Variants in ZNF560 observed in about 807,000 individuals in gnomAD.
ZNF560 encodes zinc finger protein 560.
A neutral mutation model predicts 81.8 loss-of-function variants in ZNF560; 54 were observed. That is an observed-to-expected ratio of 0.66 (90% CI 0.53 to 0.83). The LOEUF (loss-of-function observed/expected upper bound fraction) is 0.83, where lower values mean the gene tolerates loss of function less well. Among genes scored for constraint, ZNF560 ranks in the 40% least tolerant of loss-of-function variants. The probability of loss-of-function intolerance (pLI) is 0.00; values close to 1 mark genes in which losing one functional copy is unlikely to be tolerated. For synonymous variants in ZNF560, 321 were observed against 317.9 expected (o/e 1.01, Z -0.10); for missense variants, 940 against 932.4 (o/e 1.01, Z -0.11).
the ZNF560 span, among the ~76,000 whole-genome samples, chr19:9,456,416 G>GT: frequency 6.6e-6 from 1 of 152,166 alleles, no homozygotes; most frequent in Non-Finnish European, 1.5e-5. Context: ...CCGGGAGAGC[G>GT]TATAGGGCAG....
Position 9,471,501 on chromosome 19 carries a change from TAA to T in ZNF560, c.239-125_239-124del, listed in dbSNP as rs1225548143. On this transcript the variant is annotated intron_variant, in intron 5 of 9. Coordinates refer to ENST00000301480, the MANE Select transcript of ZNF560 (RefSeq NM_152476.3). ...AAATAAACATAAGAAAAAAGAAAGC[TAA>T]ATTGAACATTTAGACTGTGTCAAAA... 59 of 678,278 alleles carry T rather than the reference TAA, an allele frequency of 8.7e-5. No homozygotes were observed. In the East Asian group the frequency reaches 1.9e-3, roughly 21 times the overall value. The allele number at this position is 678,278 out of a possible 1,614,324, so 42.0% of individuals were successfully genotyped here. A position where few individuals can be genotyped will look rare whatever the true frequency, so the allele number is the denominator to read the frequency against.
Position 9,466,501 on chromosome 19 carries a change from T to C in ZNF560, c.*73A>G. ...GATAGTGTTACTTTCTCCTGTGAAT[T>C]TTTACATGTTCAGTTAGGCTTGAGG... On this transcript the variant is annotated 3_prime_UTR_variant, in exon 10 of 10. Transcript: ENST00000301480. 7.1e-7 allele frequency: 1 copy of C among 1,403,364 alleles called. No individual in the cohort carries two copies. Among genetic ancestry groups the C allele is most frequent in the South Asian group, 1.4e-5 (1 of 71,168 alleles). 86.9% of individuals were successfully genotyped at this position (1,403,364 alleles called of 1,614,324 possible).
At chr19:9,504,162 G>A in the ZNF560 span, among the ~76,000 whole-genome samples, 15 of 152,162 alleles carry the variant, frequency 9.9e-5, no homozygotes, top group East Asian at 2.1e-3. Flanking sequence ...TGCTGGGTGC[G>A]GTGGCTCACA....
At position 9,470,459 on chromosome 19, in the gene ZNF560, C is replaced by T. The variant is rs756756054; in HGVS notation, c.381G>A (p.Leu127=). The T allele has an allele frequency of 3.2e-5, 51 of 1,613,992 alleles. No individual in the cohort carries two copies. The Middle Eastern group carries it at 1.6e-3, about 52-fold the overall frequency. The change falls in exon 7 of 10, where the codon CTG becomes CTA. Residue 127 remains leucine, a synonymous_variant. Transcript: ENST00000301480. ...VEFTQEEWTL[L]DPAQRNLYSD... is the part of the protein sequence containing the mutation. ...TGTACAGGTTTCTCTGAGCTGGGTCCAGTAAAGTCCACTCTTCCTGGGTGA... is the reference window on the plus strand; with the variant it reads ...TGTACAGGTTTCTCTGAGCTGGGTCTAGTAAAGTCCACTCTTCCTGGGTGA...
chr19:9,467,841 G>C lies in ZNF560; in HGVS notation c.1106C>G (p.Thr369Ser). ...TTTATAAGGTTTTATCCCAATGTGG[G>C]TTTGCATGTGATTATTAAGGTGGGT... ...YPTHLNNHMQ[T>S]HIGIKPYKCK... The change falls in exon 10 of 10, where the codon ACC (threonine) becomes AGC (serine). Residue 369 changes from threonine (T) to serine (S), a missense_variant. Physicochemically the swap from Thr to Ser is moderately conservative, Grantham distance 58. Coordinates refer to ENST00000301480, the MANE Select transcript of ZNF560 (RefSeq NM_152476.3). The C allele has an allele frequency of 6.2e-7, 1 of 1,614,132 alleles. No homozygotes were observed. The highest frequency in any genetic ancestry group is 8.5e-7 in the Non-Finnish European group (1 of 1,180,036).
chr19:9,468,032 T>C lies in ZNF560; in HGVS notation c.915A>G (p.Ser305=), dbSNP rs371925516. The C allele has an allele frequency of 3.8e-5, 62 of 1,614,094 alleles. No individual in the cohort carries two copies. In the African/African-American group the frequency reaches 5.3e-4, roughly 14 times the overall value. Residue 305 remains serine, a synonymous_variant, in exon 10 of 10, where the codon TCA becomes TCG. Coordinates refer to ENST00000301480, the MANE Select transcript of ZNF560 (RefSeq NM_152476.3). ...GAGTTTTCCTGTGTGCTTCAAGGTATGACTGATAAATGAAGGCTTTCCCAT... is the reference window on the plus strand; with the variant it reads ...GAGTTTTCCTGTGTGCTTCAAGGTACGACTGATAAATGAAGGCTTTCCCAT... ...TDYGKAFIYQ[S]YLEAHRKTQS...
the ZNF560 span, among the ~76,000 whole-genome samples, chr19:9,459,649 G>C: frequency 2.5e-3 from 385 of 152,298 alleles, 2 homozygotes; most frequent in African/African-American, 9.0e-3. Flanking sequence ...ATTTATTGGT[G>C]ATCAAAGAAG....
the ZNF560 span, among the ~76,000 whole-genome samples, chr19:9,454,882 T>G: frequency 6.6e-6 from 1 of 151,720 alleles, no homozygotes; most frequent in Non-Finnish European, 1.5e-5. Flanking sequence ...GCAGAAGAGA[T>G]AAAAGAACAG....
chr19:9,498,322 C>A (rs1157257140), intron 1 of ZNF560, 107 bp from the exon 2 acceptor site: 2 of 152,176 alleles, frequency 1.3e-5, no homozygotes, highest in South Asian at 2.1e-4. Flanking sequence ...AGCCCTCGGA[C>A]GCGCCCATAC....
upstream of ZNF560, among the ~76,000 whole-genome samples, chr19:9,499,504 G>A (rs2073613929): frequency 6.6e-6 from 1 of 151,930 alleles, no homozygotes; most frequent in South Asian, 2.1e-4. Flanking sequence ...TGGCCTTATT[G>A]TATTTTTTTT....
chr19:9,456,302 GTTTAAA>G, the ZNF560 span, among the ~76,000 whole-genome samples: 2 of 152,198 alleles, frequency 1.3e-5, no homozygotes, highest in Non-Finnish European at 2.9e-5. Context: ...GGAAGATCTA[GTTTAAA>G]TTTAAAAGGA....
chr19:9,450,411 C>T, the ZNF560 span, among the ~76,000 whole-genome samples: 1 of 152,124 alleles, frequency 6.6e-6, no homozygotes, highest in South Asian at 2.1e-4. Context: ...GACTATTTGT[C>T]TTCACTGATG....
chr19:9,450,401 G>T, the ZNF560 span, among the ~76,000 whole-genome samples: 1 of 152,022 alleles, frequency 6.6e-6, no homozygotes, highest in Non-Finnish European at 1.5e-5. Context: ...ACGCAAATAG[G>T]ACTATTTGTC....
the ZNF560 span, among the ~76,000 whole-genome samples, chr19:9,454,894 T>C: frequency 6.6e-6 from 1 of 151,920 alleles, no homozygotes; most frequent in African/African-American, 2.4e-5. Flanking sequence ...AAAGAACAGA[T>C]CCGTCAACCA....
In ZNF560 at chr19:9,475,385, G is replaced by T; in HGVS notation, c.-56-16C>A. The T allele has an allele frequency of 1.4e-6, 2 of 1,471,498 alleles. No homozygotes were observed. The highest frequency in any genetic ancestry group is 1.9e-6 in the Non-Finnish European group (2 of 1,057,360). 91.2% of individuals were successfully genotyped at this position (1,471,498 alleles called of 1,614,324 possible). A position where few individuals can be genotyped will look rare whatever the true frequency, so the allele number is the denominator to read the frequency against. On this transcript the variant is annotated splice_polypyrimidine_tract_variant and intron_variant, in intron 2 of 9. Coordinates refer to ENST00000301480, the MANE Select transcript of ZNF560 (RefSeq NM_152476.3). ...CTAGAAAGACCTGGAAAAGAAAGAA[G>T]GCATAAGAGCCCAGACATAATCACA...
downstream of ZNF560, among the ~76,000 whole-genome samples, chr19:9,464,467 G>A (rs922037799): frequency 2.8e-4 from 42 of 152,054 alleles, no homozygotes; most frequent in South Asian, 2.1e-4. Context: ...ATGAAATCAC[G>A]GTATCTTAAG....
rs1421373045 is a variant in ZNF560 at position 9,468,005 on chromosome 19, C to A, written c.942G>T (p.Gln314His). The A allele has an allele frequency of 1.2e-6, 2 of 1,614,136 alleles. No individual in the cohort carries two copies. The highest frequency in any genetic ancestry group is 1.7e-6 in the Non-Finnish European group (2 of 1,180,028). The change falls in exon 10 of 10, where the codon CAG becomes CAT. Residue 314 changes from glutamine to histidine, a missense_variant. Gln to His is a conservative substitution (Grantham distance 24). Coordinates refer to ENST00000301480, the MANE Select transcript of ZNF560 (RefSeq NM_152476.3). ...TCCATTCATTGAGTTTTTCTCCACT[C>A]TGAGTTTTCCTGTGTGCTTCAAGGT... ...QSYLEAHRKT[Q>H]SGEKLNEWKQ... is the part of the protein sequence containing the mutation.
At chr19:9,448,276 G>C in the ZNF560 span, among the ~76,000 whole-genome samples, 2 of 151,956 alleles carry the variant, frequency 1.3e-5, no homozygotes, top group African/African-American at 2.4e-5. Context: ...TTGTTGCCCA[G>C]GCTGGAGTGC....
chr19:9,499,760 C>T (rs2073616339), upstream of ZNF560, among the ~76,000 whole-genome samples: 1 of 152,162 alleles, frequency 6.6e-6, no homozygotes, highest in African/African-American at 2.4e-5. Context: ...CTTCTTTAAA[C>T]TCTTTCAGTA....
Sources: allele counts gnomAD v4.1 joint callset (sites outside exome capture counted in the v4.1 genomes callset), GRCh38; gene constraint gnomAD v4.1.1; transcripts MANE v1.5; gene names NCBI Gene and HGNC (gene_info 2026-07-23, HGNC 2026-07-21).